KCNIP4: variants seen among roughly 807,000 people sequenced by gnomAD.
KCNIP4 encodes potassium voltage-gated channel interacting protein 4.
A neutral mutation model predicts 34.0 loss-of-function variants in KCNIP4; 12 were observed. The observed-to-expected ratio is 0.35, with a 90% CI of 0.23 to 0.57. The LOEUF is 0.57. Among genes scored for constraint, KCNIP4 ranks in the 20% least tolerant of loss-of-function variants. The pLI is 0.83. For missense variants in KCNIP4, 238 were observed against 311.7 expected (o/e 0.76, Z 1.78); for synonymous variants, 124 against 102.2 (o/e 1.21, Z -1.29).
At chr4:21,378,060 G>C (rs1242845102) in intron 1 of KCNIP4, among the ~76,000 whole-genome samples, 1 of 151,904 alleles carries the variant, frequency 6.6e-6, no homozygotes, top group Non-Finnish European at 1.5e-5. Context: ...CTTCACTCCA[G>C]GTATTTCCCA....
intron 1 of KCNIP4, among the ~76,000 whole-genome samples, chr4:20,942,962 G>A (rs754362038): frequency 4.6e-5 from 7 of 152,134 alleles, no homozygotes; most frequent in African/African-American, 9.7e-5. Flanking sequence ...GTGAGCCACC[G>A]TGCCCAGCCT....
At chr4:21,104,445 G>C (rs963147657) in intron 1 of KCNIP4, among the ~76,000 whole-genome samples, 3 of 151,952 alleles carry the variant, frequency 2.0e-5, no homozygotes, top group Non-Finnish European at 4.4e-5. Context: ...GGGGTTGTTT[G>C]TTTTTTTCTT....
At chr4:21,781,395 A>G (rs1359873068) in intron 1 of KCNIP4, among the ~76,000 whole-genome samples, 1 of 152,172 alleles carries the variant, frequency 6.6e-6, no homozygotes, top group Admixed American at 6.5e-5. Context: ...TAGTATCTTT[A>G]GAGCAGTATG....
chr4:21,270,265 T>C (rs771487730), intron 1 of KCNIP4, among the ~76,000 whole-genome samples: 7 of 152,122 alleles, frequency 4.6e-5, no homozygotes, highest in Non-Finnish European at 7.4e-5. Flanking sequence ...GGGATGAAAG[T>C]GGAGCTGCTT....
At chr4:21,929,496 AAAG>A (rs879751940) in intron 1 of KCNIP4, among the ~76,000 whole-genome samples, 31 of 152,090 alleles carry the variant, frequency 2.0e-4, no homozygotes, top group Non-Finnish European at 3.8e-4. Flanking sequence ...TAGTGCACTA[AAAG>A]AAGAATAGTT....
rs145887596 is a variant in KCNIP4 at position 20,729,281 on chromosome 4, T to TTTTG, written c.*797_*800dup. ...TTGCATATGTCTGTAAACATCCTTG[T>TTTTG]TTTGTTTGATGCCTTCTTCAACTTC... is the stretch of plus-strand genomic sequence containing the variant. On this transcript the variant is annotated 3_prime_UTR_variant, in exon 9 of 9. Coordinates refer to ENST00000382152, the MANE Select transcript of KCNIP4 (RefSeq NM_025221.6). 13 of 152,570 alleles carry TTTTG rather than the reference T, an allele frequency of 8.5e-5. No homozygotes were observed. Among genetic ancestry groups the TTTTG allele is most frequent in the African/African-American group, 3.1e-4 (13 of 41,548 alleles). The allele number at this position is 152,570 out of a possible 1,614,324, so 9.5% of individuals were successfully genotyped here. A position where few individuals can be genotyped will look rare whatever the true frequency, so the allele number is the denominator to read the frequency against.
chr4:21,127,571 A>G (rs887114984), intron 1 of KCNIP4, among the ~76,000 whole-genome samples: 2 of 152,176 alleles, frequency 1.3e-5, no homozygotes, highest in Non-Finnish European at 2.9e-5. Context: ...GAATACAAAC[A>G]CTGTAGTGGC....
intron 1 of KCNIP4, among the ~76,000 whole-genome samples, chr4:21,750,798 G>A (rs1241016238): frequency 6.6e-6 from 1 of 152,082 alleles, no homozygotes; most frequent in African/African-American, 2.4e-5. Flanking sequence ...ATGGGAAGGT[G>A]GAGAAGGTAG....
chr4:20,738,283 CGTA>C (rs1202437364), intron 5 of KCNIP4, among the ~76,000 whole-genome samples: 4 of 152,114 alleles, frequency 2.6e-5, no homozygotes, highest in Non-Finnish European at 4.4e-5. Flanking sequence ...AAATTCACAG[CGTA>C]GTAATAATAT....
intron 1 of KCNIP4, among the ~76,000 whole-genome samples, chr4:21,553,532 C>A (rs891620339): frequency 6.6e-6 from 1 of 151,988 alleles, no homozygotes; most frequent in African/African-American, 2.4e-5. Flanking sequence ...TTTCTGGAAG[C>A]CTTTTAAAAT....
In KCNIP4 at chr4:21,589,199, T is replaced by TAAGTACAC. The variant is rs1560540330; in HGVS notation, c.61+359371_61+359372insGTGTACTT. ...ATATATATATATATATATATATATA[T>TAAGTACAC]ATGTGTACATATATAAGTACACATG... On this transcript the variant is annotated intron_variant, in intron 1 of 8. Transcript: ENST00000382152. Among the ~76,000 whole-genome samples the TAAGTACAC allele has an allele frequency of 2.7e-3, 58 of 21,766 alleles. 3 individuals carry two copies. The East Asian group carries it at 0.2, about 76-fold the overall frequency. The allele number at this position is 21,766 out of a possible 152,430, so 14.3% of individuals were successfully genotyped here.
chr4:21,517,535 T>G (rs1168287171), intron 1 of KCNIP4, among the ~76,000 whole-genome samples: 1 of 152,214 alleles, frequency 6.6e-6, no homozygotes, highest in African/African-American at 2.4e-5. Context: ...TAAAACCGTC[T>G]TGTGTTTATG....
intron 1 of KCNIP4, among the ~76,000 whole-genome samples, chr4:21,686,506 T>C (rs548464833): frequency 2.0e-5 from 3 of 152,302 alleles, no homozygotes; most frequent in Admixed American, 2.0e-4. Context: ...TCAACTATTA[T>C]ACATATACTA....
intron 1 of KCNIP4, among the ~76,000 whole-genome samples, chr4:21,632,481 T>A (rs1577723587): frequency 6.6e-6 from 1 of 152,226 alleles, no homozygotes; most frequent in East Asian, 1.9e-4. Context: ...CGGCTTGGCC[T>A]CACAAATTGC....
At chr4:21,194,761 G>A (rs1396363684) in intron 1 of KCNIP4, among the ~76,000 whole-genome samples, 2 of 152,162 alleles carry the variant, frequency 1.3e-5, no homozygotes, top group Non-Finnish European at 2.9e-5. Context: ...AAAGATGGTG[G>A]AACATCAGTC....
intron 1 of KCNIP4, among the ~76,000 whole-genome samples, chr4:21,804,688 A>C (rs1251912317): frequency 6.6e-6 from 1 of 152,226 alleles, no homozygotes; most frequent in Non-Finnish European, 1.5e-5. Context: ...AATTTACTTG[A>C]ATATTCATAT....
chr4:21,189,075 T>G (rs1201059218), intron 1 of KCNIP4, among the ~76,000 whole-genome samples: 1 of 152,214 alleles, frequency 6.6e-6, no homozygotes, highest in Non-Finnish European at 1.5e-5. Flanking sequence ...AGAATAATAC[T>G]TATGTTGCAG....
At chr4:21,288,549 C>T (rs553902858) in intron 1 of KCNIP4, among the ~76,000 whole-genome samples, 7 of 152,236 alleles carry the variant, frequency 4.6e-5, no homozygotes, top group African/African-American at 1.7e-4. Flanking sequence ...ATATATTTTG[C>T]CTTTTTATCC....
chr4:21,167,250 T>C (rs995491023), intron 1 of KCNIP4, among the ~76,000 whole-genome samples: 2 of 152,102 alleles, frequency 1.3e-5, no homozygotes, highest in Non-Finnish European at 2.9e-5. Flanking sequence ...CCAGGGATGA[T>C]AGATATATAT....
Sources: gnomAD v4.1 joint callset for allele counts (sites outside exome capture counted in the v4.1 genomes callset) on GRCh38, gnomAD v4.1.1 for gene constraint, MANE v1.5 for transcripts, NCBI Gene and HGNC (gene_info 2026-07-23, HGNC 2026-07-21) for gene names.